The following NRDC variants were observed in gnomAD, a reference collection of about 807,000 sequenced individuals.
NRDC encodes nardilysin.
Under a neutral mutation model 147.1 loss-of-function variants are expected in NRDC, and 54 were observed. The ratio of observed to expected loss-of-function variants is 0.37; its 90% confidence interval spans 0.29 to 0.46. NRDC has a LOEUF of 0.46. Among genes scored for constraint, NRDC ranks in the 20% least tolerant of loss-of-function variants. The pLI, the probability that NRDC is intolerant of heterozygous loss-of-function variation, is 1.00. For synonymous variants in NRDC, 440 were observed against 482.1 expected (o/e 0.91, Z 1.14); for missense variants, 1,082 against 1,370.6 (o/e 0.79, Z 3.33).
chr1:51,835,058 TTTTG>T lies in NRDC; in HGVS notation c.713-892_713-889del, dbSNP rs376347305. ...ACTATATAACATCCACATAGAGTTT[TTTTG>T]TTTGTTTGTTTGTTTTTGAGCTGGA... On this transcript the variant is annotated intron_variant, in intron 3 of 30. Transcript: ENST00000352171. Among the ~76,000 whole-genome samples the T allele has an allele frequency of 3.3e-3, 499 of 152,202 alleles. 3 individuals carry two copies. Among genetic ancestry groups the T allele is most frequent in the Middle Eastern group, 6.8e-3 (2 of 294 alleles).
At chr1:51,790,400 G>A in intron 29 of NRDC, 133 bp downstream of exon 29, 1 of 693,438 alleles carries the variant, frequency 1.4e-6, no homozygotes, top group Non-Finnish European at 2.6e-6. Flanking sequence ...CTCAGGAAGT[G>A]AGCGAGTAAT....
chr1:51,872,868 CCTTTA>C (rs10526165), intron 1 of NRDC, among the ~76,000 whole-genome samples: 30,228 of 151,822 alleles, frequency 0.2, 3,915 homozygotes, highest in Non-Finnish European at 0.28. Context: ...ACCTAGGTTA[CCTTTA>C]CTTTACAAGA....
Position 51,823,650 on chromosome 1 carries a change from T to C in NRDC, c.1159+14A>G. The C allele has an allele frequency of 6.2e-7, 1 of 1,601,054 alleles. No individual in the cohort carries two copies. Among genetic ancestry groups the C allele is most frequent in the South Asian group, 1.1e-5 (1 of 88,914 alleles). On this transcript the variant is annotated intron_variant, in intron 7 of 30. Coordinates refer to ENST00000352171, the MANE Select transcript of NRDC (RefSeq NM_001101662.2). ...TACTTCAAGGTAACTCTAAGAGCCA[T>C]AATTAATAGTTACCTTTGGATTGAA... is the stretch of plus-strand genomic sequence containing the variant.
chr1:51,813,961 A>G (rs1389702499), intron 14 of NRDC, 74 bp downstream of exon 14: 1 of 1,006,766 alleles, frequency 9.9e-7, no homozygotes, highest in African/African-American at 1.6e-5. Flanking sequence ...GACACTTTCA[A>G]AAAGAGGAAC....
chr1:51,837,293 G>GC (rs1681035090), intron 2 of NRDC, among the ~76,000 whole-genome samples: 1 of 152,122 alleles, frequency 6.6e-6, no homozygotes. Flanking sequence ...TTCAAAAATA[G>GC]CATGTACCTG....
intron 1 of NRDC, among the ~76,000 whole-genome samples, chr1:51,873,790 C>T (rs1354189384): frequency 2.0e-5 from 3 of 151,646 alleles, no homozygotes; most frequent in Non-Finnish European, 2.9e-5. Context: ...GGATTACAGG[C>T]GTGAGCCCCC....
intron 22 of NRDC, chr1:51,795,129 T>C (rs964896697): frequency 7.1e-7 from 1 of 1,406,132 alleles, no homozygotes; most frequent in African/African-American, 1.4e-5. Context: ...AATTGTTCAG[T>C]GTTGGTTTAC....
chr1:51,828,534 TTTAAA>T (rs777531947), intron 4 of NRDC, among the ~76,000 whole-genome samples: 14 of 152,236 alleles, frequency 9.2e-5, no homozygotes, highest in Admixed American at 6.5e-4. Context: ...TCATCTGCTT[TTTAAA>T]TTAATTTTTA....
intron 1 of NRDC, among the ~76,000 whole-genome samples, chr1:51,845,623 C>T (rs1681521199): frequency 6.6e-6 from 1 of 150,462 alleles, no homozygotes; most frequent in African/African-American, 2.4e-5. Context: ...AAAGAAATGT[C>T]CCGTTTTCAG....
chr1:51,793,157 C>G (rs908822443), intron 24 of NRDC, among the ~76,000 whole-genome samples: 15 of 152,192 alleles, frequency 9.9e-5, no homozygotes, highest in Non-Finnish European at 2.1e-4. Context: ...AACCAATGCT[C>G]TCTGAGAAAG....
At chr1:51,800,881 C>T in intron 20 of NRDC, 198 bp from the exon 21 acceptor site, 1 of 559,796 alleles carries the variant, frequency 1.8e-6, no homozygotes, top group East Asian at 3.1e-5. Context: ...TCACTGGTCA[C>T]CCAGGCTGGA....
At chr1:51,809,442 A>T in intron 16 of NRDC, 41 bp from the exon 17 acceptor site, 1 of 1,238,964 alleles carries the variant, frequency 8.1e-7, no homozygotes, top group Non-Finnish European at 1.2e-6. Context: ...AAACAATGCA[A>T]TGTTCAACAT....
chr1:51,846,604 C>T (rs1003916772), intron 1 of NRDC, among the ~76,000 whole-genome samples: 1 of 152,180 alleles, frequency 6.6e-6, no homozygotes, highest in Non-Finnish European at 1.5e-5. Context: ...CCTGTGGGTT[C>T]GTACTCTCGC....
chr1:51,838,253 G>C (rs577154090), intron 2 of NRDC, among the ~76,000 whole-genome samples: 1 of 152,168 alleles, frequency 6.6e-6, no homozygotes, highest in African/African-American at 2.4e-5. Flanking sequence ...TTTTAAAAAC[G>C]ATCACTAGAC....
At chr1:51,849,366 G>T (rs1476437016) in intron 1 of NRDC, among the ~76,000 whole-genome samples, 4 of 151,880 alleles carry the variant, frequency 2.6e-5, no homozygotes, top group Non-Finnish European at 5.9e-5. Context: ...AGTGAGCCGA[G>T]ATCCCGCCAC....
chr1:51,878,021 C>T, intron 1 of NRDC: 1 of 1,346,096 alleles, frequency 7.4e-7, no homozygotes, highest in Non-Finnish European at 9.5e-7. Context: ...TTCATTCTTG[C>T]TTTAGCGACT....
Position 51,819,881 on chromosome 1 carries a change from TAAAAC to T in NRDC, c.1218-13_1218-9del. 6.3e-7 allele frequency: 1 copy of T among 1,599,694 alleles called. No homozygotes were observed. The highest frequency in any genetic ancestry group is 8.5e-7 in the Non-Finnish European group (1 of 1,170,984). The stretch of plus-strand genomic sequence containing the variant: ...TTTGGTCTGGGTAACCCACTGAAAA[TAAAAC>T]AAATACATACAAATTTAACTGGCAA... On this transcript the variant is annotated splice_polypyrimidine_tract_variant and intron_variant, in intron 8 of 30. Transcript: ENST00000352171.
At chr1:51,864,789 T>A (rs1477169115) in intron 1 of NRDC, among the ~76,000 whole-genome samples, 1 of 151,890 alleles carries the variant, frequency 6.6e-6, no homozygotes, top group Non-Finnish European at 1.5e-5. Flanking sequence ...CTGTCTCTGC[T>A]AAAAATACAA....
chr1:51,875,596 C>CT lies in NRDC; in HGVS notation c.341+2678_341+2679insA, dbSNP rs1439064139. ...TGTTTTTTGAGACAGTGTCTCACTG[C>CT]CACCCAGGCTGGAGTGCAGTGGCAC... On this transcript the variant is annotated intron_variant, in intron 1 of 30. Coordinates refer to ENST00000352171, the MANE Select transcript of NRDC (RefSeq NM_001101662.2). 5.4e-3 allele frequency among the ~76,000 whole-genome samples: 822 copies of CT among 152,236 alleles called. 2 individuals are homozygous for CT. The highest frequency in any genetic ancestry group is 8.6e-3 in the Non-Finnish European group (583 of 68,006).
Sources: gnomAD v4.1 joint callset for allele counts (sites outside exome capture counted in the v4.1 genomes callset) on GRCh38, gnomAD v4.1.1 for gene constraint, MANE v1.5 for transcripts, NCBI Gene and HGNC (gene_info 2026-07-23, HGNC 2026-07-21) for gene names.